DCAF8: variants seen among roughly 807,000 people sequenced by gnomAD.
DCAF8 encodes DDB1 and CUL4 associated factor 8.
A neutral mutation model predicts 68.0 loss-of-function variants in DCAF8; 20 were observed. The ratio of observed to expected loss-of-function variants is 0.29; its 90% CI spans 0.21 to 0.43. The LOEUF (loss-of-function observed/expected upper bound fraction) is 0.43, where lower values mean the gene tolerates loss of function less well. DCAF8 is among the 20% of genes least tolerant of loss of function. The pLI is 1.00. For missense variants in DCAF8, 460 were observed against 771.0 expected, an observed-to-expected ratio of 0.60 and a Z score of 4.78; for synonymous variants, 230 against 276.9, an observed-to-expected ratio of 0.83 and a Z score of 1.68.
intron 3 of DCAF8, among the ~76,000 whole-genome samples, chr1:160,240,798 A>G (rs1206323484): frequency 6.6e-6 from 1 of 152,258 alleles, no homozygotes; most frequent in Non-Finnish European, 1.5e-5. Context: ...CCATCTTCTT[A>G]GCGAAAGACG....
chr1:160,241,910 G>A (rs1404755904), intron 3 of DCAF8, among the ~76,000 whole-genome samples: 4 of 152,190 alleles, frequency 2.6e-5, no homozygotes, highest in African/African-American at 9.7e-5. Context: ...CAATACAAGT[G>A]CTTTGATTCA....
At chr1:160,242,010 A>C (rs1462518432) in intron 3 of DCAF8, among the ~76,000 whole-genome samples, 1 of 152,236 alleles carries the variant, frequency 6.6e-6, no homozygotes, top group East Asian at 1.9e-4. Flanking sequence ...TGGGAGGCCA[A>C]GGCGGGTGGA....
In DCAF8 at chr1:160,253,508, C is replaced by T. The variant is rs114226599; in HGVS notation, c.-27+7777G>A. 7.6e-3 allele frequency among the ~76,000 whole-genome samples: 1,148 copies of T among 151,748 alleles called. 21 individuals are homozygous for T. Among genetic ancestry groups the T allele is most frequent in the African/African-American group, 0.026 (1,091 of 41,328 alleles). On this transcript the variant is annotated intron_variant, in intron 2 of 13. Transcript: ENST00000368074. ...ACTAAAAATACAAAAATTAGCCACA[C>T]GCGGTGGCATACGCCTGTGATTCCA... is the stretch of plus-strand genomic sequence containing the variant.
chr1:160,235,975 G>A (rs1271669620), intron 6 of DCAF8, among the ~76,000 whole-genome samples: 6 of 152,170 alleles, frequency 3.9e-5, no homozygotes, highest in Non-Finnish European at 8.8e-5. Flanking sequence ...CTGACCTCAA[G>A]TGATCCACCT....
In DCAF8 at chr1:160,244,923, C is replaced by T. The variant is rs558654646; in HGVS notation, c.-26-889G>A. ...CACGCCCAGCCCAACTAACTTCAAACTTATTAAAGGCACAGATACTAAGGA... is the reference window on the plus strand; with the variant it reads ...CACGCCCAGCCCAACTAACTTCAAATTTATTAAAGGCACAGATACTAAGGA... On this transcript the variant is annotated intron_variant, in intron 2 of 13. Coordinates refer to ENST00000368074, the MANE Select transcript of DCAF8 (RefSeq NM_015726.4). 2.0e-5 allele frequency among the ~76,000 whole-genome samples: 3 copies of T among 152,232 alleles called. No homozygotes were observed. The South Asian group carries it at 6.2e-4, about 32-fold the overall frequency.
intron 4 of DCAF8, chr1:160,239,104 A>C (rs1655997854): frequency 1.0e-6 from 1 of 963,964 alleles, no homozygotes; most frequent in South Asian, 4.0e-5. Context: ...ACAAAGAAAA[A>C]GGAAAATAGG....
intron 2 of DCAF8, among the ~76,000 whole-genome samples, chr1:160,256,129 A>C (rs1458770382): frequency 6.7e-6 from 1 of 149,802 alleles, no homozygotes; most frequent in Non-Finnish European, 1.5e-5. Context: ...TTGGGATTAC[A>C]GGTACATGCC....
At chr1:160,250,464 C>CAA (rs386368471) in intron 2 of DCAF8, among the ~76,000 whole-genome samples, 2,671 of 65,004 alleles carry the variant, frequency 0.041, 182 homozygotes, top group African/African-American at 0.11. Flanking sequence ...GAAACTGTCT[C>CAA]AAAAAAAAAA....
chr1:160,227,864 A>G (rs1457778209), intron 7 of DCAF8, among the ~76,000 whole-genome samples: 1 of 148,508 alleles, frequency 6.7e-6, no homozygotes, highest in Non-Finnish European at 1.5e-5. Context: ...CTTTCTGAAC[A>G]TATGATAGGC....
chr1:160,258,637 T>C (rs893367272), intron 2 of DCAF8, among the ~76,000 whole-genome samples: 2 of 151,472 alleles, frequency 1.3e-5, no homozygotes, highest in Non-Finnish European at 2.9e-5. Context: ...AACCAAAAAT[T>C]AGCTAGGTAT....
chr1:160,247,353 G>C (rs1271528162), intron 2 of DCAF8, among the ~76,000 whole-genome samples: 1 of 152,130 alleles, frequency 6.6e-6, no homozygotes, highest in African/African-American at 2.4e-5. Flanking sequence ...GATTTTTCTT[G>C]TCTTAATAAG....
chr1:160,255,215 G>A (rs535103755), intron 2 of DCAF8, among the ~76,000 whole-genome samples: 8 of 152,260 alleles, frequency 5.3e-5, no homozygotes, highest in East Asian at 1.9e-4. Context: ...CATGTTCTAC[G>A]AACTGCAGTA....
At position 160,253,508 on chromosome 1, in the gene DCAF8, C is replaced by G. The variant is rs114226599; in HGVS notation, c.-27+7777G>C. Reference sequence around the variant, plus strand: ...ACTAAAAATACAAAAATTAGCCACACGCGGTGGCATACGCCTGTGATTCCA... The same window carrying G: ...ACTAAAAATACAAAAATTAGCCACAGGCGGTGGCATACGCCTGTGATTCCA... On this transcript the variant is annotated intron_variant, in intron 2 of 13. Transcript: ENST00000368074. Among the ~76,000 whole-genome samples, 21 of 151,752 alleles carry G rather than the reference C, an allele frequency of 1.4e-4. No homozygotes were observed. The East Asian group carries it at 4.1e-3, about 29-fold the overall frequency.
intron 11 of DCAF8, chr1:160,219,462 G>C (rs939337026): frequency 6.5e-6 from 1 of 153,548 alleles, no homozygotes; most frequent in Non-Finnish European, 1.5e-5. Flanking sequence ...GTGTTTACTA[G>C]AACTGGAGGA....
intron 4 of DCAF8, chr1:160,239,350 A>G (rs779180890): frequency 7.6e-5 from 100 of 1,311,164 alleles, no homozygotes; most frequent in Non-Finnish European, 9.7e-5. Flanking sequence ...CAAAGGTAAA[A>G]TAACTTGGCC....
intron 2 of DCAF8, among the ~76,000 whole-genome samples, chr1:160,256,512 A>C (rs56922661): frequency 0.016 from 2,403 of 152,262 alleles, 60 homozygotes; most frequent in African/African-American, 0.048. Context: ...GGAATACAGT[A>C]ACTTGACTAC....
intron 11 of DCAF8, chr1:160,221,324 G>C (rs374310410): frequency 9.9e-5 from 15 of 152,096 alleles, no homozygotes; most frequent in East Asian, 7.7e-4. Flanking sequence ...AAGTGTTTTG[G>C]GTTTGTTCAC....
chr1:160,235,165 G>C (rs1252033769), intron 6 of DCAF8, among the ~76,000 whole-genome samples: 3 of 150,106 alleles, frequency 2.0e-5, no homozygotes, highest in Non-Finnish European at 4.4e-5. Context: ...AGACAGTCTT[G>C]CTGTGTCACC....
intron 8 of DCAF8, among the ~76,000 whole-genome samples, 156 bp downstream of exon 8, chr1:160,225,435 G>T (rs889340211): frequency 6.6e-6 from 1 of 152,198 alleles, no homozygotes; most frequent in Non-Finnish European, 1.5e-5. Flanking sequence ...TGAAGTGACT[G>T]CCAAGATCAC....
Sources: gnomAD v4.1 joint callset for allele counts (sites outside exome capture counted in the v4.1 genomes callset) on GRCh38, gnomAD v4.1.1 for gene constraint, MANE v1.5 for transcripts, NCBI Gene and HGNC (gene_info 2026-07-23, HGNC 2026-07-21) for gene names.